GRM8: variants seen among roughly 807,000 people sequenced by gnomAD.
GRM8 encodes the protein glutamate metabotropic receptor 8.
In GRM8, 47 loss-of-function variants were observed where a neutral mutation model predicts 87.2. The ratio of observed to expected loss-of-function variants is 0.54; its 90% CI spans 0.43 to 0.69. The LOEUF (loss-of-function observed/expected upper bound fraction) is 0.69, where lower values mean the gene tolerates loss of function less well. Among genes scored for constraint, GRM8 ranks in the 30% least tolerant of loss-of-function variants. The pLI, the probability that GRM8 is intolerant of heterozygous loss-of-function variation, is 0.00. For synonymous variants in GRM8, 396 were observed against 404.5 expected, an observed-to-expected ratio of 0.98 and a Z score of 0.25; for missense variants, 1,019 against 1,139.2, an observed-to-expected ratio of 0.89 and a Z score of 1.52.
intron 3 of GRM8, among the ~76,000 whole-genome samples, chr7:127,060,766 A>G (rs1021030250): frequency 3.9e-5 from 6 of 152,126 alleles, no homozygotes; most frequent in African/African-American, 1.4e-4. Flanking sequence ...CTGTATATTA[A>G]TGTACTTTTC....
At chr7:126,581,214 A>C (rs1304899918) in intron 8 of GRM8, among the ~76,000 whole-genome samples, 1 of 152,178 alleles carries the variant, frequency 6.6e-6, no homozygotes, top group Non-Finnish European at 1.5e-5. Context: ...CCTAATGTTC[A>C]GAGTCATTAG....
chr7:126,870,671 G>C (rs892161359), intron 6 of GRM8: 1 of 152,106 alleles, frequency 6.6e-6, no homozygotes, highest in Non-Finnish European at 1.5e-5. Flanking sequence ...ACCAGAGATA[G>C]GGTTCGTAGT....
chr7:127,046,848 T>C (rs1350876321), intron 3 of GRM8, among the ~76,000 whole-genome samples: 1 of 152,188 alleles, frequency 6.6e-6, no homozygotes, highest in East Asian at 1.9e-4. Context: ...AATAGCAACG[T>C]TCCTGTCTTA....
chr7:127,027,465 G>A (rs1415658411), intron 3 of GRM8, among the ~76,000 whole-genome samples: 1 of 152,146 alleles, frequency 6.6e-6, no homozygotes, highest in African/African-American at 2.4e-5. Flanking sequence ...TCCTATCCAT[G>A]AGCATGGAAT....
intron 3 of GRM8, among the ~76,000 whole-genome samples, chr7:127,099,636 C>T (rs1181615554): frequency 6.6e-6 from 1 of 152,144 alleles, no homozygotes; most frequent in Non-Finnish European, 1.5e-5. Context: ...TTTGTGAACT[C>T]GCTATATTAC....
In GRM8 at chr7:126,877,300, C is replaced by A. The variant is rs146133082; in HGVS notation, c.1156+25242G>T. On this transcript the variant is annotated intron_variant, in intron 6 of 10. Coordinates refer to ENST00000339582, the MANE Select transcript of GRM8 (RefSeq NM_000845.3). ...TAGCAGTAAAGTTCTTCAAAGTTTG[C>A]CAATCTGTTTGGATCTTATCACACT... Among the ~76,000 whole-genome samples, 216 of 152,308 alleles carry A rather than the reference C, an allele frequency of 1.4e-3. 1 individual carries two copies. The highest frequency in any genetic ancestry group is 5.0e-3 in the African/African-American group (208 of 41,562).
chr7:126,508,187 T>G (rs1019205130), intron 9 of GRM8, among the ~76,000 whole-genome samples: 1 of 151,990 alleles, frequency 6.6e-6, no homozygotes, highest in Non-Finnish European at 1.5e-5. Flanking sequence ...TTATCTCAGT[T>G]TGTTTTGTGT....
At chr7:127,147,938 G>A (rs1038393421) in intron 2 of GRM8, among the ~76,000 whole-genome samples, 5 of 152,016 alleles carry the variant, frequency 3.3e-5, no homozygotes, top group East Asian at 1.9e-4. Context: ...GCCCATCTTC[G>A]AACTCAACTC....
At chr7:126,576,665 C>T (rs1795142521) in intron 8 of GRM8, among the ~76,000 whole-genome samples, 1 of 152,124 alleles carries the variant, frequency 6.6e-6, no homozygotes, top group Non-Finnish European at 1.5e-5. Context: ...CCTCTATCAG[C>T]CCACACTGAC....
intron 2 of GRM8, among the ~76,000 whole-genome samples, chr7:127,120,686 T>G (rs527848799): frequency 6.6e-6 from 1 of 152,366 alleles, no homozygotes; most frequent in East Asian, 1.9e-4. Context: ...CAAAGATTAT[T>G]TTTGTAGCTC....
intron 3 of GRM8, among the ~76,000 whole-genome samples, chr7:127,095,210 G>A (rs2132951862): frequency 6.6e-6 from 1 of 152,312 alleles, no homozygotes; most frequent in Non-Finnish European, 1.5e-5. Context: ...TGAGTTTGCA[G>A]TGACAGAGAG....
chr7:126,832,818 A>G (rs1232201333), intron 6 of GRM8, among the ~76,000 whole-genome samples: 1 of 152,242 alleles, frequency 6.6e-6, no homozygotes. Flanking sequence ...AATAGTAATA[A>G]CCAAGAATTA....
At chr7:127,099,226 G>A (rs1664788863) in intron 3 of GRM8, among the ~76,000 whole-genome samples, 1 of 152,130 alleles carries the variant, frequency 6.6e-6, no homozygotes, top group African/African-American at 2.4e-5. Context: ...ATTAAAACAA[G>A]ACAGAAATAG....
At chr7:126,991,724 G>A (rs544462166) in intron 3 of GRM8, among the ~76,000 whole-genome samples, 2 of 152,074 alleles carry the variant, frequency 1.3e-5, no homozygotes, top group African/African-American at 2.4e-5. Context: ...AAGCAAAAAT[G>A]GAAACAGAGT....
chr7:127,236,797 G>C (rs1345701322), intron 2 of GRM8, among the ~76,000 whole-genome samples: 1 of 152,180 alleles, frequency 6.6e-6, no homozygotes, highest in Non-Finnish European at 1.5e-5. Flanking sequence ...GAGGGAGAGA[G>C]TAGAGAGATA....
At chr7:127,202,317 AC>A (rs1457290049) in intron 2 of GRM8, among the ~76,000 whole-genome samples, 3 of 152,100 alleles carry the variant, frequency 2.0e-5, no homozygotes, top group African/African-American at 7.2e-5. Flanking sequence ...AGCTGGGATT[AC>A]CTGCGTGTGC....
chr7:127,176,282 A>G (rs1159393208), intron 2 of GRM8, among the ~76,000 whole-genome samples: 1 of 152,214 alleles, frequency 6.6e-6, no homozygotes, highest in Non-Finnish European at 1.5e-5. Context: ...AAAGAAACAA[A>G]TGCAATTATT....
rs141484404 is a variant in GRM8 at position 126,670,499 on chromosome 7, C to G, written c.1358-61001G>C. On this transcript the variant is annotated intron_variant, in intron 7 of 10. Transcript: ENST00000339582. Reference sequence around the variant, plus strand: ...AACAGAGATAACAAAACTTCTTTGTCAATTGTGTGTCTAACTGTAACTACC... The same window carrying G: ...AACAGAGATAACAAAACTTCTTTGTGAATTGTGTGTCTAACTGTAACTACC... Among the ~76,000 whole-genome samples the G allele has an allele frequency of 4.8e-3, 727 of 152,236 alleles. 5 individuals carry two copies. Among genetic ancestry groups the G allele is most frequent in the African/African-American group, 0.017 (692 of 41,552 alleles).
intron 3 of GRM8, among the ~76,000 whole-genome samples, chr7:127,079,697 C>T (rs1822645823): frequency 6.6e-6 from 1 of 152,298 alleles, no homozygotes; most frequent in Non-Finnish European, 1.5e-5. Context: ...TTTTCTTCCT[C>T]AGGGACTACT....
Sources: gnomAD v4.1 joint callset for allele counts (sites outside exome capture counted in the v4.1 genomes callset) on GRCh38, gnomAD v4.1.1 for gene constraint, MANE v1.5 for transcripts, NCBI Gene and HGNC (gene_info 2026-07-23, HGNC 2026-07-21) for gene names.